STMN3: variants seen among roughly 807,000 people sequenced by gnomAD.
STMN3 encodes stathmin 3.
Under a neutral mutation model 23.2 loss-of-function variants are expected in STMN3, and 24 were observed. The ratio of observed to expected loss-of-function variants is 1.03; its 90% confidence interval spans 0.75 to 1.45. The LOEUF is 1.45. Ranked by LOEUF, STMN3 falls within the 40% of genes most tolerant of loss-of-function variation. STMN3 has a pLI of 0.00. For missense variants in STMN3, 235 were observed against 237.6 expected, an observed-to-expected ratio of 0.99 and a Z score of 0.07; for synonymous variants, 117 against 103.4, an observed-to-expected ratio of 1.13 and a Z score of -0.80.
At position 63,652,479 on chromosome 20, in the gene STMN3, C is replaced by T; in HGVS notation, c.19+848G>A. 1 of 796,310 alleles carries T rather than the reference C, an allele frequency of 1.3e-6. No homozygotes were observed. The highest frequency in any genetic ancestry group is 1.5e-6 in the Non-Finnish European group (1 of 657,042). 49.3% of individuals were successfully genotyped at this position (796,310 alleles called of 1,614,324 possible). ...GCGCCCGAGGTCGCCCGGCAGCTCC[C>T]CTGCGTCCAGAATCCGCCCCCCGCC... On this transcript the variant is annotated intron_variant, in intron 1 of 4. Transcript: ENST00000370053. This position sits in a 1 kb window ranked among gnomAD's most constrained non-coding sequence, Gnocchi z 5.3.
intron 1 of STMN3, 108 bp downstream of exon 1, chr20:63,653,219 A>G: frequency 3.8e-6 from 5 of 1,317,686 alleles, no homozygotes; most frequent in Non-Finnish European, 5.2e-6. Flanking sequence ...CGCGCAGGGT[A>G]GGAGAAGGGA....
rs1250769225 is a variant in STMN3, at chr20:63,652,538, C to T, written c.19+789G>A. On this transcript the variant is annotated intron_variant, in intron 1 of 4. Coordinates refer to ENST00000370053, the MANE Select transcript of STMN3 (RefSeq NM_015894.4). The surrounding 1 kb of genome is among the most constrained non-coding windows in gnomAD (Gnocchi z 5.3). Reference sequence around the variant, plus strand: ...CGCCCGCCCCTCCGCCTGAGCTCCGCGCGGGACGGGCCGGGAGGCCGGGGT... The same window carrying T: ...CGCCCGCCCCTCCGCCTGAGCTCCGTGCGGGACGGGCCGGGAGGCCGGGGT... 1.7e-5 allele frequency: 17 copies of T among 981,058 alleles called. No individual in the cohort carries two copies. Among genetic ancestry groups the T allele is most frequent in the Non-Finnish European group, 2.1e-5 (17 of 826,158 alleles). The allele number at this position is 981,058 out of a possible 1,614,324, so 60.8% of individuals were successfully genotyped here.
intron 3 of STMN3, among the ~76,000 whole-genome samples, chr20:63,642,639 G>A (rs1023142675): frequency 4.6e-5 from 7 of 152,212 alleles, no homozygotes; most frequent in Non-Finnish European, 1.0e-4. Flanking sequence ...CCAAGGACCA[G>A]CAGCAAGAAA....
chr20:63,645,908 G>A (rs561254840), intron 1 of STMN3, among the ~76,000 whole-genome samples: 4 of 152,048 alleles, frequency 2.6e-5, no homozygotes, highest in Non-Finnish European at 4.4e-5. Flanking sequence ...AGCCGAGGTC[G>A]CGCCATCGCA....
intron 1 of STMN3, among the ~76,000 whole-genome samples, chr20:63,651,678 G>A (rs1042753154): frequency 6.6e-6 from 1 of 152,206 alleles, no homozygotes; most frequent in African/African-American, 2.4e-5. Flanking sequence ...AAATATTGAG[G>A]CCTCAGAACA....
intron 1 of STMN3, among the ~76,000 whole-genome samples, chr20:63,647,905 C>A (rs1454223286): frequency 2.7e-5 from 3 of 112,224 alleles, no homozygotes; most frequent in African/African-American, 6.6e-5. Context: ...TATATATACA[C>A]GTGTGTATAT....
chr20:63,651,006 C>T (rs2089854794), intron 1 of STMN3, among the ~76,000 whole-genome samples: 1 of 148,294 alleles, frequency 6.7e-6, no homozygotes, highest in Non-Finnish European at 1.5e-5. Context: ...GCTGCCCAGG[C>T]TGGAGTGCAA....
rs1318624145 is a variant in STMN3, at chr20:63,652,551, G to C, written c.19+776C>G. On this transcript the variant is annotated intron_variant, in intron 1 of 4. Transcript: ENST00000370053. This position sits in a 1 kb window ranked among gnomAD's most constrained non-coding sequence, Gnocchi z 5.3. ...GCCTGAGCTCCGCGCGGGACGGGCC[G>C]GGAGGCCGGGGTGGGCGCTACCTTC... 3.0e-6 allele frequency: 3 copies of C among 983,822 alleles called. No individual in the cohort carries two copies. The highest frequency in any genetic ancestry group is 3.6e-6 in the Non-Finnish European group (3 of 828,684). 60.9% of individuals were successfully genotyped at this position (983,822 alleles called of 1,614,324 possible). A position where few individuals can be genotyped will look rare whatever the true frequency, so the allele number is the denominator to read the frequency against.
intron 1 of STMN3, among the ~76,000 whole-genome samples, chr20:63,650,360 G>A (rs1008445207): frequency 6.6e-6 from 1 of 152,188 alleles, no homozygotes; most frequent in African/African-American, 2.4e-5. Context: ...ATGAGCAGGA[G>A]TCAGAAAAAG....
intron 2 of STMN3, 106 bp downstream of exon 2, chr20:63,644,108 T>G: frequency 1.5e-6 from 2 of 1,352,546 alleles, no homozygotes; most frequent in Non-Finnish European, 1.0e-6. Context: ...AACCTCCCTC[T>G]CCAGAGGCAG....
At position 63,651,621 on chromosome 20, in the gene STMN3, G is replaced by C. The variant is rs142524561; in HGVS notation, c.19+1706C>G. Among the ~76,000 whole-genome samples, 902 of 152,330 alleles carry C rather than the reference G, an allele frequency of 5.9e-3. 5 individuals are homozygous for C. The highest frequency in any genetic ancestry group is 8.8e-3 in the Non-Finnish European group (599 of 68,024). On this transcript the variant is annotated intron_variant, in intron 1 of 4. Coordinates refer to ENST00000370053, the MANE Select transcript of STMN3 (RefSeq NM_015894.4). ...ACCACAGTCAGGCTGCTTGACGTGCGGTGAGCACTCATCTCTTAGCAGGCA... is the reference window on the plus strand; with the variant it reads ...ACCACAGTCAGGCTGCTTGACGTGCCGTGAGCACTCATCTCTTAGCAGGCA...
rs200066181 is a variant in STMN3, at chr20:63,643,771, G to A, written c.276C>T (p.Ala92=). 6 of 1,547,940 alleles carry A rather than the reference G, an allele frequency of 3.9e-6. No individual in the cohort carries two copies. The East Asian group carries it at 7.2e-5, about 19-fold the overall frequency. Residue 92 remains alanine (A), a synonymous_variant, in exon 3 of 5, where the codon GCC becomes GCT. Coordinates refer to ENST00000370053, the MANE Select transcript of STMN3 (RefSeq NM_015894.4). The stretch of plus-strand genomic sequence containing the variant: ...GACTCCTTGCCTTCCTCCGCTCCTC[G>A]GCTGCCTCCAGCCGCTTTTGCAGCT... ...LEELQKRLEA[A]EERRKTQEAQ... is the part of the protein sequence containing the mutation.
intron 1 of STMN3, among the ~76,000 whole-genome samples, chr20:63,648,274 G>GGA (rs1402067436): frequency 6.6e-6 from 1 of 151,928 alleles, no homozygotes; most frequent in African/African-American, 2.4e-5. Context: ...GACGGGGGAG[G>GGA]GAGAGAGCAA....
rs1430379501 is a variant in STMN3 at position 63,653,409 on chromosome 20, C to T, written c.-64G>A. On this transcript the variant is annotated 5_prime_UTR_variant, in exon 1 of 5. Coordinates refer to ENST00000370053, the MANE Select transcript of STMN3 (RefSeq NM_015894.4). ...CGCAAGTGGCGGCCGGAGCTGCAGA[C>T]GGCTGGTGCTGCAGTGCCGGGGAGG... 1.3e-4 allele frequency: 164 copies of T among 1,259,432 alleles called. No homozygotes were observed. The highest frequency in any genetic ancestry group is 6.3e-4 in the Middle Eastern group (2 of 3,180). The allele number at this position is 1,259,432 out of a possible 1,614,324, so 78.0% of individuals were successfully genotyped here. A position where few individuals can be genotyped will look rare whatever the true frequency, so the allele number is the denominator to read the frequency against.
chr20:63,641,291 A>T lies in STMN3; in HGVS notation c.*47T>A. ...CAGAGGTGAACGAAACAAAACCAAA[A>T]CCCGAACGTGTTCTGTCGCAGGATG... On this transcript the variant is annotated 3_prime_UTR_variant, in exon 5 of 5. Coordinates refer to ENST00000370053, the MANE Select transcript of STMN3 (RefSeq NM_015894.4). The T allele has an allele frequency of 1.3e-6, 2 of 1,540,540 alleles. No individual in the cohort carries two copies. Among genetic ancestry groups the T allele is most frequent in the South Asian group, 2.4e-5 (2 of 83,934 alleles).
At chr20:63,642,340 G>T in intron 3 of STMN3, 41 bp from the exon 4 acceptor site, 1 of 1,348,126 alleles carries the variant, frequency 7.4e-7, no homozygotes, top group Non-Finnish European at 9.6e-7. Context: ...GCAACCCCGG[G>T]CCCTGCCCGG....
intron 1 of STMN3, among the ~76,000 whole-genome samples, chr20:63,644,679 C>T (rs1056157254): frequency 1.3e-5 from 2 of 152,170 alleles, no homozygotes; most frequent in Non-Finnish European, 2.9e-5. Flanking sequence ...AATCGTAACC[C>T]CAAGGTGCCG....
At chr20:63,645,158 CCCT>C (rs983870367) in intron 1 of STMN3, among the ~76,000 whole-genome samples, 2 of 152,178 alleles carry the variant, frequency 1.3e-5, no homozygotes, top group Non-Finnish European at 2.9e-5. Context: ...CTTCTCTCTC[CCCT>C]CCTCCTCCTT....
chr20:63,647,962 A>ATG (rs1569070297), intron 1 of STMN3, among the ~76,000 whole-genome samples: 8 of 74,874 alleles, frequency 1.1e-4, no homozygotes, highest in African/African-American at 3.5e-4. Flanking sequence ...ATATATATGT[A>ATG]TATATATATA....
Sources: gnomAD v4.1 joint callset for allele counts (sites outside exome capture counted in the v4.1 genomes callset) on GRCh38, gnomAD v4.1.1 for gene constraint, Gnocchi (gnomAD v3.1) non-coding constraint, MANE v1.5 for transcripts, NCBI Gene and HGNC (gene_info 2026-07-23, HGNC 2026-07-21) for gene names.